The following GAR1 variants were observed in gnomAD, a reference collection of about 807,000 sequenced individuals.
GAR1 encodes H/ACA ribonucleoprotein complex subunit 1.
A neutral mutation model predicts 29.3 loss-of-function variants in GAR1; 11 were observed. The observed-to-expected ratio is 0.38, with a 90% confidence interval of 0.24 to 0.62. The LOEUF (loss-of-function observed/expected upper bound fraction) is 0.62. GAR1 is among the 20% of genes least tolerant of loss of function. The probability of loss-of-function intolerance (pLI) is 0.62; values close to 1 mark genes in which losing one functional copy is unlikely to be tolerated. For synonymous variants in GAR1, 87 were observed against 93.3 expected, an observed-to-expected ratio of 0.93 and a Z score of 0.39; for missense variants, 237 against 268.4, an observed-to-expected ratio of 0.88 and a Z score of 0.82.
chr4:109,815,976 C>T lies in GAR1; in HGVS notation c.-13+172C>T. The T allele has an allele frequency of 4.4e-6, 3 of 680,804 alleles. 1 individual carries two copies. The South Asian group carries it at 5.2e-5, about 12-fold the overall frequency. 42.2% of individuals were successfully genotyped at this position (680,804 alleles called of 1,614,324 possible). Reference sequence around the variant, plus strand: ...GTGTGGTCGGTCGGCGCTCACGAGACCATGGAGAAGTAAACTCTTCACCCA... The same window carrying T: ...GTGTGGTCGGTCGGCGCTCACGAGATCATGGAGAAGTAAACTCTTCACCCA... On this transcript the variant is annotated intron_variant, in intron 1 of 6. Coordinates refer to ENST00000226796, the MANE Select transcript of GAR1 (RefSeq NM_018983.4).
At position 109,824,492 on chromosome 4, in the gene GAR1, A is replaced by G; in HGVS notation, c.*61A>G. On this transcript the variant is annotated 3_prime_UTR_variant, in exon 7 of 7. Transcript: ENST00000226796. ...GCATTAACCTGCATGATCTGTTTCTACTATGGATTGGAAACTTGTTTCTTG... is the reference window on the plus strand; with the variant it reads ...GCATTAACCTGCATGATCTGTTTCTGCTATGGATTGGAAACTTGTTTCTTG... 3.2e-6 allele frequency: 4 copies of G among 1,263,440 alleles called. No individual in the cohort carries two copies. The highest frequency in any genetic ancestry group is 4.6e-5 in the East Asian group (2 of 43,084). The allele number at this position is 1,263,440 out of a possible 1,614,324, so 78.3% of individuals were successfully genotyped here.
At position 109,823,811 on chromosome 4, in the gene GAR1, A is replaced by T. The variant is rs138961552; in HGVS notation, c.572-154A>T. ...TCTAAAATTTTTTCCCTGATAAAAT[A>T]TGTGAATCTATATTTATTCATTATA... On this transcript the variant is annotated intron_variant, in intron 5 of 6. Coordinates refer to ENST00000226796, the MANE Select transcript of GAR1 (RefSeq NM_018983.4). Among the ~76,000 whole-genome samples the T allele has an allele frequency of 9.9e-4, 151 of 152,266 alleles. 1 individual carries two copies. Among genetic ancestry groups the T allele is most frequent in the African/African-American group, 3.5e-3 (145 of 41,582 alleles).
intron 4 of GAR1, among the ~76,000 whole-genome samples, chr4:109,821,783 G>A (rs920322103): frequency 6.6e-6 from 1 of 152,102 alleles, no homozygotes; most frequent in Non-Finnish European, 1.5e-5. Flanking sequence ...GTGTGCCAAA[G>A]TACAAGTGCC....
chr4:109,821,676 C>T (rs369584493), intron 4 of GAR1, among the ~76,000 whole-genome samples: 1 of 151,912 alleles, frequency 6.6e-6, no homozygotes, highest in Admixed American at 6.6e-5. Context: ...ATTTTTCTTA[C>T]GGCAGTTCTG....
chr4:109,815,789 G>T lies in GAR1; in HGVS notation c.-28G>T. On this transcript the variant is annotated 5_prime_UTR_variant, in exon 1 of 7. It adds an upstream start codon to the 5' untranslated region. Coordinates refer to ENST00000226796, the MANE Select transcript of GAR1 (RefSeq NM_018983.4). ...GTGTGTGCGCAAGGCCAGGGCCAGAGGGGCACGTGGCGCCGGTGAGTGGCC... is the reference window on the plus strand; with the variant it reads ...GTGTGTGCGCAAGGCCAGGGCCAGATGGGCACGTGGCGCCGGTGAGTGGCC... The T allele has an allele frequency of 3.8e-6, 1 of 262,196 alleles. No homozygotes were observed. Among genetic ancestry groups the T allele is most frequent in the Non-Finnish European group, 7.3e-6 (1 of 136,428 alleles). The allele number at this position is 262,196 out of a possible 1,614,324, so 16.2% of individuals were successfully genotyped here. A position where few individuals can be genotyped will look rare whatever the true frequency, so the allele number is the denominator to read the frequency against.
chr4:109,816,600 T>C (rs1443515328), intron 2 of GAR1, among the ~76,000 whole-genome samples: 2 of 152,194 alleles, frequency 1.3e-5, no homozygotes, highest in Non-Finnish European at 2.9e-5. Context: ...TGAGTACTTA[T>C]GCCTAATTCC....
rs539405326 is a variant in GAR1, at chr4:109,824,676, G to C, written c.*245G>C. On this transcript the variant is annotated 3_prime_UTR_variant, in exon 7 of 7. Coordinates refer to ENST00000226796, the MANE Select transcript of GAR1 (RefSeq NM_018983.4). ...GGCACTCTGTGGGTGCTCAATAAATGGATAGGAGTTTTCATTTGAAGCATA... is the reference window on the plus strand; with the variant it reads ...GGCACTCTGTGGGTGCTCAATAAATCGATAGGAGTTTTCATTTGAAGCATA... 5.2e-6 allele frequency: 2 copies of C among 388,316 alleles called. No individual in the cohort carries two copies. Among genetic ancestry groups the C allele is most frequent in the South Asian group, 2.4e-4 (2 of 8,414 alleles). The allele number at this position is 388,316 out of a possible 1,614,324, so 24.1% of individuals were successfully genotyped here.
intron 4 of GAR1, among the ~76,000 whole-genome samples, chr4:109,821,003 G>T (rs879883641): frequency 6.6e-6 from 1 of 152,056 alleles, no homozygotes; most frequent in Non-Finnish European, 1.5e-5. Flanking sequence ...GGGGCTTATT[G>T]TTTAGTTTTT....
At chr4:109,821,728 A>G (rs1307024803) in intron 4 of GAR1, among the ~76,000 whole-genome samples, 3 of 152,154 alleles carry the variant, frequency 2.0e-5, no homozygotes, top group African/African-American at 7.2e-5. Context: ...AAGAGAAATG[A>G]TATTGAATTG....
chr4:109,816,049 C>T, intron 1 of GAR1, 104 bp from the exon 2 acceptor site: 1 of 1,098,468 alleles, frequency 9.1e-7, no homozygotes, highest in South Asian at 1.3e-5. Context: ...GGTGACAGGG[C>T]TGCTTTTGTC....
upstream of GAR1, chr4:109,815,513 C>G (rs558465257): frequency 1.3e-5 from 2 of 152,876 alleles, no homozygotes; most frequent in Admixed American, 1.3e-4. Flanking sequence ...AAGGACGCCG[C>G]TGTTATACGT....
At chr4:109,816,405 T>C in intron 2 of GAR1, 27 bp downstream of exon 2, 1 of 1,599,044 alleles carries the variant, frequency 6.3e-7, no homozygotes, top group Non-Finnish European at 8.6e-7. Context: ...ATTTAGCTTA[T>C]TTGAAGGAGT....
intron 3 of GAR1, among the ~76,000 whole-genome samples, chr4:109,818,675 G>T: frequency 6.7e-6 from 1 of 148,242 alleles, no homozygotes; most frequent in East Asian, 2.0e-4. Flanking sequence ...AGCAATTCTC[G>T]TGCCTCAGCC....
intron 6 of GAR1, 119 bp from the exon 7 acceptor site, chr4:109,824,298 TA>T: frequency 1.4e-6 from 1 of 696,268 alleles, no homozygotes; most frequent in South Asian, 1.9e-5. Flanking sequence ...TTAAATTTGG[TA>T]AAGTATGTTT....
In GAR1 at chr4:109,816,254, A is replaced by AGGTGGAGGCGGC. The variant is rs765203160; in HGVS notation, c.105_116dup (p.Gly36_Gly39dup). On this transcript the variant is annotated inframe_insertion, in exon 2 of 7. Coordinates refer to ENST00000226796, the MANE Select transcript of GAR1 (RefSeq NM_018983.4). ...GAGGTGGCAGCAGCAACCACTTCCG[A>AGGTGGAGGCGGC]GGTGGAGGCGGCGGTGGAGGCGGCG... The AGGTGGAGGCGGC allele has an allele frequency of 1.2e-6, 2 of 1,609,408 alleles. No homozygotes were observed. The highest frequency in any genetic ancestry group is 1.7e-6 in the Non-Finnish European group (2 of 1,177,520).
chr4:109,820,457 G>A (rs942134515), intron 4 of GAR1, among the ~76,000 whole-genome samples: 1 of 151,972 alleles, frequency 6.6e-6, no homozygotes, highest in East Asian at 1.9e-4. Context: ...TATACAGACA[G>A]TACATGAAAC....
At chr4:109,816,024 TCTGAC>T in intron 1 of GAR1, 124 bp from the exon 2 acceptor site, 1 of 887,706 alleles carries the variant, frequency 1.1e-6, no homozygotes, top group Non-Finnish European at 1.8e-6. Context: ...TCACTGGCTG[TCTGAC>T]CGTGGGTGAG....
chr4:109,822,273 A>G (rs1466689256), intron 4 of GAR1, 74 bp from the exon 5 acceptor site: 8 of 904,364 alleles, frequency 8.8e-6, no homozygotes, highest in Non-Finnish European at 1.4e-5. Context: ...TTTTGACTCT[A>G]TCATGTAGCT....
chr4:109,822,829 T>C (rs948712697), intron 5 of GAR1, among the ~76,000 whole-genome samples: 1 of 152,230 alleles, frequency 6.6e-6, no homozygotes, highest in African/African-American at 2.4e-5. Context: ...CATACATTCT[T>C]TTAATTTCCA....
Sources: gnomAD v4.1 joint callset for allele counts (sites outside exome capture counted in the v4.1 genomes callset) on GRCh38, gnomAD v4.1.1 for gene constraint, MANE v1.5 for transcripts, NCBI Gene and HGNC (gene_info 2026-07-23, HGNC 2026-07-21) for gene names.